Variants in WDSUB1 observed in about 807,000 individuals in gnomAD.
The protein encoded by WDSUB1 is WD repeat, SAM and U-box domain-containing protein 1.
WDSUB1 carries 49 observed loss-of-function variants against 53.9 expected under a neutral mutation model. That is an observed-to-expected ratio of 0.91 (90% CI 0.72 to 1.15). The LOEUF (loss-of-function observed/expected upper bound fraction) is 1.15, where lower values mean the gene tolerates loss of function less well. WDSUB1 is among the 50% of genes most tolerant of loss of function. The probability of loss-of-function intolerance (pLI) is 0.00; values close to 1 mark genes in which losing one functional copy is unlikely to be tolerated. For synonymous variants in WDSUB1, 194 were observed against 200.6 expected (o/e 0.97, Z 0.28); for missense variants, 514 against 562.0 (o/e 0.91, Z 0.86).
chr2:159,258,974 C>T (rs907132562), intron 6 of WDSUB1, among the ~76,000 whole-genome samples: 3 of 152,144 alleles, frequency 2.0e-5, no homozygotes, highest in Non-Finnish European at 2.9e-5. Flanking sequence ...GGCATAGCTA[C>T]AGCATTAGGA....
intron 4 of WDSUB1, among the ~76,000 whole-genome samples, chr2:159,272,389 C>A (rs1393492960): frequency 6.6e-6 from 1 of 152,122 alleles, no homozygotes; most frequent in Non-Finnish European, 1.5e-5. Context: ...ACTCTGTGCT[C>A]TCCTCTGTTT....
chr2:159,246,215 G>A (rs889889194), intron 10 of WDSUB1, among the ~76,000 whole-genome samples: 10 of 152,234 alleles, frequency 6.6e-5, no homozygotes, highest in South Asian at 2.1e-4. Context: ...GGTGGATCAC[G>A]AGGTCAGGAG....
At chr2:159,254,692 T>C (rs2061023192) in intron 9 of WDSUB1, among the ~76,000 whole-genome samples, 1 of 152,270 alleles carries the variant, frequency 6.6e-6, no homozygotes. Flanking sequence ...TGTGAAGTAA[T>C]TCTACTTGAT....
chr2:159,274,683 A>ACCTC (rs1483072489), intron 4 of WDSUB1, among the ~76,000 whole-genome samples: 1 of 113,116 alleles, frequency 8.8e-6, no homozygotes, highest in Non-Finnish European at 1.6e-5. Context: ...CCAACTACCC[A>ACCTC]CCTCCTCATC....
chr2:159,264,459 T>C (rs2061294538), intron 5 of WDSUB1, among the ~76,000 whole-genome samples: 1 of 152,244 alleles, frequency 6.6e-6, no homozygotes, highest in African/African-American at 2.4e-5. Flanking sequence ...CAATAAACTC[T>C]ATCATTTACT....
At chr2:159,267,546 C>T (rs1027371247) in intron 5 of WDSUB1, among the ~76,000 whole-genome samples, 1 of 152,130 alleles carries the variant, frequency 6.6e-6, no homozygotes, top group African/African-American at 2.4e-5. Flanking sequence ...CTCAAGTGAT[C>T]CTTCTGCTTT....
At chr2:159,285,793 G>T (rs906001148) in intron 1 of WDSUB1, among the ~76,000 whole-genome samples, 1 of 151,966 alleles carries the variant, frequency 6.6e-6, no homozygotes, top group African/African-American at 2.4e-5. Context: ...TCTTTTCTTC[G>T]AACATAAACT....
chr2:159,265,094 A>AAC (rs2061310401), intron 5 of WDSUB1, among the ~76,000 whole-genome samples: 3 of 145,694 alleles, frequency 2.1e-5, no homozygotes, highest in African/African-American at 8.3e-5. Context: ...CAAAAAAAAA[A>AAC]AAAAATAAAA....
chr2:159,283,143 T>A, intron 1 of WDSUB1, 50 bp from the exon 2 acceptor site: 1 of 1,488,000 alleles, frequency 6.7e-7, no homozygotes, highest in South Asian at 1.3e-5. Flanking sequence ...ATCAGATACA[T>A]GCAATTTGAG....
chr2:159,282,999 A>C lies in WDSUB1; in HGVS notation c.71T>G (p.Leu24Arg), dbSNP rs908603898. 1 of 1,614,232 alleles carries C rather than the reference A, an allele frequency of 6.2e-7. No homozygotes were observed. Among genetic ancestry groups the C allele is most frequent in the Admixed American group, 1.7e-5 (1 of 60,024 alleles). ...DVNCCAFSFS[L>R]LATCSLDKTI... ...TTTGTCCAAGGAGCAAGTAGCCAAG[A>C]GGGAAAAGGAGAAGGCACAGCAGTT... Residue 24 changes from leucine to arginine, a missense_variant, in exon 2 of 11, where the codon CTC becomes CGC. Transcript: ENST00000359774.
At chr2:159,270,674 T>G (rs1240593014) in intron 5 of WDSUB1, among the ~76,000 whole-genome samples, 1 of 152,100 alleles carries the variant, frequency 6.6e-6, no homozygotes, top group Non-Finnish European at 1.5e-5. Context: ...ATCATACACA[T>G]TAAGTGTGAA....
At chr2:159,275,733 C>A (rs1223547006) in intron 3 of WDSUB1, 95 bp from the exon 4 acceptor site, 2 of 881,984 alleles carry the variant, frequency 2.3e-6, no homozygotes, top group Non-Finnish European at 3.4e-6. Flanking sequence ...TAATTCTACT[C>A]ATTTAAACCA....
chr2:159,268,146 A>G (rs1298956468), intron 5 of WDSUB1, among the ~76,000 whole-genome samples: 2 of 152,256 alleles, frequency 1.3e-5, no homozygotes, highest in Non-Finnish European at 2.9e-5. Flanking sequence ...GACTCAGAGG[A>G]TAAGTACATG....
intron 5 of WDSUB1, among the ~76,000 whole-genome samples, chr2:159,261,847 CATATATATATATATATATATATATATAT>C (rs1168507779): frequency 0.014 from 751 of 54,212 alleles, 48 homozygotes; most frequent in East Asian, 0.028. Context: ...AACTGAAACT[CATATATATATATATATATATATATATAT>C]ATATATATAT....
chr2:159,280,809 G>A (rs2061648907), intron 2 of WDSUB1, among the ~76,000 whole-genome samples: 1 of 151,970 alleles, frequency 6.6e-6, no homozygotes, highest in African/African-American at 2.4e-5. Context: ...GGGAGGCACG[G>A]TGCTGAAGTA....
chr2:159,247,898 T>TATATATAA (rs1559531795), intron 10 of WDSUB1, among the ~76,000 whole-genome samples: 2 of 28,740 alleles, frequency 7.0e-5, no homozygotes, highest in Non-Finnish European at 1.3e-4. Flanking sequence ...TATATATATA[T>TATATATAA]ATATATATAT....
intron 10 of WDSUB1, among the ~76,000 whole-genome samples, chr2:159,238,702 T>C (rs1042470398): frequency 2.6e-5 from 4 of 152,254 alleles, no homozygotes; most frequent in Non-Finnish European, 4.4e-5. Flanking sequence ...CATTCACTTA[T>C]GGAGGTTCTC....
chr2:159,242,642 C>T lies in WDSUB1; in HGVS notation c.1273+5730G>A, dbSNP rs568954632. Among the ~76,000 whole-genome samples the T allele has an allele frequency of 1.6e-4, 23 of 147,380 alleles. 3 individuals carry two copies. Among genetic ancestry groups the T allele is most frequent in the Non-Finnish European group, 5.9e-5 (4 of 67,884 alleles). ...TGCACTCCAGTCTGGGCAACAAGAG[C>T]GAAACTCCCTCTCAAAAATAAATAA... On this transcript the variant is annotated intron_variant, in intron 10 of 10. Coordinates refer to ENST00000359774, the MANE Select transcript of WDSUB1 (RefSeq NM_001128212.3).
rs1466697129 is a variant in WDSUB1 at position 159,242,916 on chromosome 2, TATAAAA to T, written c.1273+5450_1273+5455del. On this transcript the variant is annotated intron_variant, in intron 10 of 10. Coordinates refer to ENST00000359774, the MANE Select transcript of WDSUB1 (RefSeq NM_001128212.3). ...TTTCTGAGGCAATTAGTCCAATAGATATAAAAATATACATAAGGAAAAACTGAAAAA... is the reference window on the plus strand; with the variant it reads ...TTTCTGAGGCAATTAGTCCAATAGATATATACATAAGGAAAAACTGAAAAA... Among the ~76,000 whole-genome samples, 9 of 147,738 alleles carry T rather than the reference TATAAAA, an allele frequency of 6.1e-5. 1 individual carries two copies. In the East Asian group the frequency reaches 1.0e-3, roughly 17 times the overall value.
Sources: allele counts gnomAD v4.1 joint callset (sites outside exome capture counted in the v4.1 genomes callset), GRCh38; gene constraint gnomAD v4.1.1; transcripts MANE v1.5; gene names NCBI Gene and HGNC (gene_info 2026-07-23, HGNC 2026-07-21).